Variants in LBP observed in about 807,000 individuals in gnomAD.
LBP encodes lipopolysaccharide binding protein.
LBP carries 53 observed loss-of-function variants against 56.6 expected under a neutral mutation model. The ratio of observed to expected loss-of-function variants is 0.94; its 90% CI spans 0.75 to 1.18. LBP has a LOEUF of 1.18. LBP is among the 50% of genes most tolerant of loss of function. The pLI, the probability that LBP is intolerant of heterozygous loss-of-function variation, is 0.00. For missense variants in LBP, 601 were observed against 598.3 expected (o/e 1.00, Z -0.05); for synonymous variants, 227 against 247.5 (o/e 0.92, Z 0.78).
At chr20:38,367,145 T>C (rs950925117) in intron 9 of LBP, among the ~76,000 whole-genome samples, 1 of 152,176 alleles carries the variant, frequency 6.6e-6, no homozygotes, top group Non-Finnish European at 1.5e-5. Context: ...CCAGGCATGT[T>C]CTTGGTTCTT....
At chr20:38,369,359 C>T (rs2076893723) in intron 10 of LBP, among the ~76,000 whole-genome samples, 197 bp downstream of exon 10, 1 of 152,160 alleles carries the variant, frequency 6.6e-6, no homozygotes. Context: ...TTTCTTGTAA[C>T]ACCCCATTAT....
intron 6 of LBP, among the ~76,000 whole-genome samples, chr20:38,361,030 C>T (rs528143777): frequency 1.3e-5 from 2 of 151,944 alleles, no homozygotes; most frequent in South Asian, 2.1e-4. Context: ...GGCGTGGTGG[C>T]GCATGCCTGT....
chr20:38,346,791 C>A, intron 1 of LBP, 151 bp downstream of exon 1: 1 of 1,048,864 alleles, frequency 9.5e-7, no homozygotes, highest in Non-Finnish European at 1.4e-6. Flanking sequence ...CCTATTCTGG[C>A]CTTACTGCCC....
At chr20:38,354,862 G>A (rs1314598242) in intron 4 of LBP, among the ~76,000 whole-genome samples, 4 of 152,084 alleles carry the variant, frequency 2.6e-5, no homozygotes, top group African/African-American at 7.2e-5. Flanking sequence ...GCAGAAAATC[G>A]CTTGAGCTCA....
chr20:38,350,930 A>G lies in LBP; in HGVS notation c.359A>G (p.Lys120Arg), dbSNP rs780119048. The change falls in exon 3 of 15, where the codon AAG becomes AGG. Residue 120 changes from lysine (K) to arginine (R), a missense_variant. Coordinates refer to ENST00000217407, the MANE Select transcript of LBP (RefSeq NM_004139.5). The stretch of plus-strand genomic sequence containing the variant: ...GTCCAGGGCAGGTGGAAGGTGCGCA[A>G]GTCATTCTTGTAAGTTGGCTCTGCT... ...IRVQGRWKVR[K>R]SFFKLQGSFD... is the part of the protein sequence containing the mutation. 2.8e-5 allele frequency: 45 copies of G among 1,613,706 alleles called. No homozygotes were observed. The highest frequency in any genetic ancestry group is 3.8e-5 in the Non-Finnish European group (45 of 1,179,716).
intron 5 of LBP, among the ~76,000 whole-genome samples, chr20:38,357,240 C>A (rs998518064): frequency 6.6e-6 from 1 of 152,126 alleles, no homozygotes; most frequent in East Asian, 1.9e-4. Context: ...AGTAGCTTTC[C>A]CAGTGTCACC....
In LBP at chr20:38,371,167, C is replaced by T. The variant is rs182922719; in HGVS notation, c.1218-113C>T. 2.9e-4 allele frequency: 222 copies of T among 767,236 alleles called. No homozygotes were observed. In the African/African-American group the frequency reaches 3.5e-3, roughly 12 times the overall value. 47.5% of individuals were successfully genotyped at this position (767,236 alleles called of 1,614,324 possible). ...CATCTTTTCCACTCCTGCTCCCGCC[C>T]TACCTTTGGCCCTGTGCCTTCTCAA... On this transcript the variant is annotated intron_variant, in intron 11 of 14. Coordinates refer to ENST00000217407, the MANE Select transcript of LBP (RefSeq NM_004139.5).
intron 11 of LBP, 84 bp downstream of exon 11, chr20:38,370,889 G>A (rs1015276018): frequency 8.8e-7 from 1 of 1,135,338 alleles, no homozygotes; most frequent in Non-Finnish European, 1.3e-6. Context: ...CTGGTGGGAG[G>A]GGGGGCCACC....
intron 8 of LBP, among the ~76,000 whole-genome samples, chr20:38,365,578 T>C (rs2076877631): frequency 6.6e-6 from 1 of 151,636 alleles, no homozygotes; most frequent in Non-Finnish European, 1.5e-5. Flanking sequence ...ATGCCTGTAG[T>C]TCCAGCTACA....
rs575135477 is a variant in LBP at position 38,350,890 on chromosome 20, G to A, written c.319G>A (p.Asp107Asn). 88 of 1,614,038 alleles carry A rather than the reference G, an allele frequency of 5.5e-5. No homozygotes were observed. Among genetic ancestry groups the A allele is most frequent in the Admixed American group, 6.7e-5 (4 of 60,026 alleles). Residue 107 changes from aspartate to asparagine, a missense_variant, in exon 3 of 15, where the codon GAC (aspartate) becomes AAC (asparagine). Transcript: ENST00000217407. ...CCAGGGCCTGAGTCTCAGCATCTCCGACTCCTCCATCCGGGTCCAGGGCAG... is the reference window on the plus strand; with the variant it reads ...CCAGGGCCTGAGTCTCAGCATCTCCAACTCCTCCATCCGGGTCCAGGGCAG... Reference protein sequence around the residue: ...PGQGLSLSISDSSIRVQGRWK... With the variant: ...PGQGLSLSISNSSIRVQGRWK...
rs34125610 is a variant in LBP, at chr20:38,356,420, G to GCACACACA, written c.588+1039_588+1046dup. Among the ~76,000 whole-genome samples the GCACACACA allele has an allele frequency of 2.4e-5, 3 of 124,822 alleles. 1 individual carries two copies. Among genetic ancestry groups the GCACACACA allele is most frequent in the Middle Eastern group, 6.9e-3 (2 of 288 alleles). The allele number at this position is 124,822 out of a possible 152,430, so 81.9% of individuals were successfully genotyped here. A position where few individuals can be genotyped will look rare whatever the true frequency, so the allele number is the denominator to read the frequency against. ...CACACCCCCCACACCACACACACGC[G>GCACACACA]CACACACACACACACACACACACAC... On this transcript the variant is annotated intron_variant, in intron 5 of 14. Coordinates refer to ENST00000217407, the MANE Select transcript of LBP (RefSeq NM_004139.5).
chr20:38,375,066 G>T (rs1313301125), intron 14 of LBP, among the ~76,000 whole-genome samples: 1 of 151,036 alleles, frequency 6.6e-6, no homozygotes, highest in African/African-American at 2.4e-5. Flanking sequence ...CAAAGTGCTG[G>T]GATTACAGGC....
At position 38,371,320 on chromosome 20, in the gene LBP, A is replaced by C. The variant is rs761923354; in HGVS notation, c.1258A>C (p.Asn420His). The part of the protein sequence containing the change: ...ELKESKVGLF[N>H]AELLEALLNY... ...GAAAGAATCCAAAGTTGGACTATTC[A>C]ATGTAAGTTGTTTTTATTGATGACA... Residue 420 changes from asparagine to histidine, a missense_variant and splice_region_variant, in exon 12 of 15, where the codon AAT (asparagine) becomes CAT (histidine). Physicochemically the swap from Asn to His is moderately conservative, Grantham distance 68 (BLOSUM62 1). Transcript: ENST00000217407. 5 of 1,603,644 alleles carry C rather than the reference A, an allele frequency of 3.1e-6. No homozygotes were observed. The highest frequency in any genetic ancestry group is 4.3e-6 in the Non-Finnish European group (5 of 1,171,078).
At chr20:38,356,341 C>G (rs954128356) in intron 5 of LBP, among the ~76,000 whole-genome samples, 4 of 134,842 alleles carry the variant, frequency 3.0e-5, no homozygotes, top group Non-Finnish European at 6.5e-5. Flanking sequence ...CCCACACCCC[C>G]TACATGCACA....
At position 38,364,050 on chromosome 20, in the gene LBP, T is replaced by A; in HGVS notation, c.728T>A (p.Leu243Gln). 1.2e-6 allele frequency: 2 copies of A among 1,613,086 alleles called. No homozygotes were observed. The highest frequency in any genetic ancestry group is 1.7e-6 in the Non-Finnish European group (2 of 1,179,044). The change falls in exon 7 of 15, where the codon CTG (leucine) becomes CAG (glutamine). Residue 243 changes from leucine to glutamine, a missense_variant. By Grantham distance (113) the Leu-to-Gln change is moderately radical. Coordinates refer to ENST00000217407, the MANE Select transcript of LBP (RefSeq NM_004139.5). ...VEAPRATAQM[L>Q]EVMFKGEIFH... ...GCCCCTCGGGCAACAGCCCAGATGC[T>A]GGAGGTGATGTTTAAGGTGAGGGTC...
intron 13 of LBP, among the ~76,000 whole-genome samples, 191 bp from the exon 14 acceptor site, chr20:38,373,746 C>T (rs1016175225): frequency 4.9e-5 from 6 of 122,436 alleles, no homozygotes; most frequent in African/African-American, 2.0e-4. Context: ...GAACAAGTTA[C>T]TTGGCCACTC....
intron 2 of LBP, among the ~76,000 whole-genome samples, chr20:38,349,914 A>T (rs1369492480): frequency 6.6e-6 from 1 of 152,118 alleles, no homozygotes; most frequent in East Asian, 1.9e-4. Context: ...CTTATCTGTA[A>T]AATGGAGTTG....
At position 38,371,020 on chromosome 20, in the gene LBP, A is replaced by T. The variant is rs2076899028; in HGVS notation, c.1217+215A>T. On this transcript the variant is annotated intron_variant, in intron 11 of 14. Transcript: ENST00000217407. Reference sequence around the variant, plus strand: ...TAAGACTGTTACTTCTTAATGTATGAATTTTAGAAGCCAGCTATATGAACT... The same window carrying T: ...TAAGACTGTTACTTCTTAATGTATGTATTTTAGAAGCCAGCTATATGAACT... Among the ~76,000 whole-genome samples the T allele has an allele frequency of 2.6e-5, 4 of 152,244 alleles. 1 individual carries two copies. Among genetic ancestry groups the T allele is most frequent in the Admixed American group, 2.6e-4 (4 of 15,276 alleles).
intron 8 of LBP, among the ~76,000 whole-genome samples, chr20:38,365,563 G>C (rs1236276122): frequency 1.3e-5 from 2 of 151,636 alleles, no homozygotes; most frequent in African/African-American, 4.8e-5. Flanking sequence ...TGGGCATGGT[G>C]GCACATGCCT....
Sources: allele counts gnomAD v4.1 joint callset (sites outside exome capture counted in the v4.1 genomes callset), GRCh38; gene constraint gnomAD v4.1.1; transcripts MANE v1.5; gene names NCBI Gene and HGNC (gene_info 2026-07-23, HGNC 2026-07-21).